The following UGT1A8 variants were observed in gnomAD, a reference collection of about 807,000 sequenced individuals.
UGT1A8 encodes the protein UDP glucuronosyltransferase family 1 member A8, also known as UDP-glucuronosyltransferase 1A8.
In UGT1A8, 39 loss-of-function variants were observed where a neutral mutation model predicts 45.3. The observed-to-expected ratio is 0.86, with a 90% CI of 0.67 to 1.12. The LOEUF (loss-of-function observed/expected upper bound fraction) is 1.12. Ranked by LOEUF, UGT1A8 falls within the 50% of genes most tolerant of loss-of-function variation. The probability of loss-of-function intolerance (pLI) is 0.00; values close to 1 mark genes in which losing one functional copy is unlikely to be tolerated. For synonymous variants in UGT1A8, 275 were observed against 249.2 expected (o/e 1.10, Z -0.97); for missense variants, 719 against 664.9 (o/e 1.08, Z -0.90).
chr2:233,743,638 G>C (rs767583424), intron 1 of UGT1A8: 1 of 1,367,318 alleles, frequency 7.3e-7, no homozygotes, highest in East Asian at 4.5e-5. Context: ...CTGGGTCGCG[G>C]AAGCTGAAGA....
intron 1 of UGT1A8, among the ~76,000 whole-genome samples, chr2:233,744,630 C>T (rs1387499679): frequency 6.6e-6 from 1 of 151,854 alleles, no homozygotes. Context: ...GAGGTGGATT[C>T]TCATGTCAGC....
At chr2:233,732,616 A>G (rs1187431518) in intron 1 of UGT1A8, among the ~76,000 whole-genome samples, 2 of 152,194 alleles carry the variant, frequency 1.3e-5, no homozygotes, top group African/African-American at 4.8e-5. Flanking sequence ...AAATGGTTGT[A>G]GATGTGTGGT....
At chr2:233,736,981 G>C (rs1363558721) in intron 1 of UGT1A8, among the ~76,000 whole-genome samples, 4 of 152,198 alleles carry the variant, frequency 2.6e-5, no homozygotes, top group Non-Finnish European at 5.9e-5. Flanking sequence ...TCCCAGTCAA[G>C]ATACACAGAG....
At chr2:233,760,913 G>A (rs747662045) in intron 1 of UGT1A8, 10 of 1,614,168 alleles carry the variant, frequency 6.2e-6, no homozygotes, top group South Asian at 4.4e-5. Flanking sequence ...TTCCTGCAGC[G>A]GGTGAAGAAC....
At chr2:233,739,351 C>A (rs1394476158) in intron 1 of UGT1A8, among the ~76,000 whole-genome samples, 1 of 152,186 alleles carries the variant, frequency 6.6e-6, no homozygotes, top group Admixed American at 6.5e-5. Context: ...CCCAGAAGGG[C>A]AGATCCAATA....
intron 1 of UGT1A8, among the ~76,000 whole-genome samples, chr2:233,717,477 G>T (rs551633792): frequency 6.6e-6 from 1 of 152,346 alleles, no homozygotes; most frequent in East Asian, 1.9e-4. Context: ...TGTGTCCAAA[G>T]GTGGAATCTG....
At position 233,662,232 on chromosome 2, in the gene UGT1A8, T is replaced by C. The variant is rs542411289; in HGVS notation, c.855+43670T>C. Among the ~76,000 whole-genome samples, 3 of 152,366 alleles carry C rather than the reference T, an allele frequency of 2.0e-5. No homozygotes were observed. The East Asian group carries it at 5.8e-4, about 29-fold the overall frequency. On this transcript the variant is annotated intron_variant, in intron 1 of 4. Coordinates refer to ENST00000373450, the MANE Select transcript of UGT1A8 (RefSeq NM_019076.5). ...ATTTAAAATAGATTTGTGTCTATAA[T>C]ATGGTAGTAAATGATAAAATAGACT...
intron 1 of UGT1A8, among the ~76,000 whole-genome samples, chr2:233,661,566 T>C (rs1201425001): frequency 6.6e-6 from 1 of 152,156 alleles, no homozygotes; most frequent in Non-Finnish European, 1.5e-5. Flanking sequence ...AAAGATATTT[T>C]GGAAAAAGTG....
chr2:233,691,443 T>A, intron 1 of UGT1A8: 1 of 985,598 alleles, frequency 1.0e-6, no homozygotes, highest in Non-Finnish European at 1.2e-6. Flanking sequence ...AGGCTTCTTC[T>A]CCCTTCCTGG....
At chr2:233,672,498 C>T in intron 1 of UGT1A8, 2 of 1,613,914 alleles carry the variant, frequency 1.2e-6, no homozygotes, top group South Asian at 1.1e-5. Flanking sequence ...CTCCTCTTTC[C>T]TATGTCCCCA....
intron 1 of UGT1A8, among the ~76,000 whole-genome samples, chr2:233,631,185 G>T (rs1255075798): frequency 1.3e-5 from 2 of 152,014 alleles, no homozygotes; most frequent in Non-Finnish European, 1.5e-5. Flanking sequence ...CTTTTTAATG[G>T]CTGCATAGTA....
chr2:233,660,711 C>G (rs1207136868), intron 1 of UGT1A8, among the ~76,000 whole-genome samples: 1 of 152,188 alleles, frequency 6.6e-6, no homozygotes, highest in Admixed American at 6.6e-5. Context: ...GTGCCCGCTT[C>G]TCTTCCTTAC....
intron 1 of UGT1A8, among the ~76,000 whole-genome samples, chr2:233,658,497 G>T (rs192224582): frequency 1.9e-4 from 29 of 152,032 alleles, no homozygotes; most frequent in Admixed American, 1.8e-3. Context: ...AGCCCATCAC[G>T]CCCCCTTCAT....
chr2:233,643,091 A>G (rs988538662), intron 1 of UGT1A8, among the ~76,000 whole-genome samples: 1 of 152,194 alleles, frequency 6.6e-6, no homozygotes, highest in Non-Finnish European at 1.5e-5. Flanking sequence ...TGGGCTTTAC[A>G]ATCAGCAGGT....
At chr2:233,636,693 A>G (rs1165461147) in intron 1 of UGT1A8, 1 of 1,614,156 alleles carries the variant, frequency 6.2e-7, no homozygotes, top group Non-Finnish European at 8.5e-7. Flanking sequence ...AGGTGGTTGT[A>G]GTCATGCCAG....
chr2:233,758,823 C>T (rs1559405168), intron 1 of UGT1A8, among the ~76,000 whole-genome samples: 1 of 152,154 alleles, frequency 6.6e-6, no homozygotes, highest in African/African-American at 2.4e-5. Flanking sequence ...GTATATCCCC[C>T]CCAAAAAGAG....
intron 1 of UGT1A8, among the ~76,000 whole-genome samples, chr2:233,655,368 G>C (rs951264342): frequency 6.6e-6 from 1 of 152,158 alleles, no homozygotes; most frequent in African/African-American, 2.4e-5. Flanking sequence ...CGTCCTGGGA[G>C]ACTCTTCATT....
In UGT1A8 at chr2:233,729,061, T is replaced by C. The variant is rs3806596; in HGVS notation, c.856-37973T>C. On this transcript the variant is annotated intron_variant, in intron 1 of 4. Transcript: ENST00000373450. ...TGGCTCAGTGACAAGGTAATTAAGA[T>C]GAAGAAAGCAAATGTAGCAGGCACA... The C allele has an allele frequency of 0.47, 753,810 of 1,610,256 alleles. 184,343 individuals are homozygous for C. Among genetic ancestry groups the C allele is most frequent in the African/African-American group, 0.83 (61,848 of 74,960 alleles).
intron 1 of UGT1A8, among the ~76,000 whole-genome samples, chr2:233,763,988 T>A (rs1006624097): frequency 2.0e-5 from 3 of 152,194 alleles, no homozygotes; most frequent in African/African-American, 7.2e-5. Flanking sequence ...TGGGAATGCG[T>A]GATGGTGAAG....
Sources: gnomAD v4.1 joint callset for allele counts (sites outside exome capture counted in the v4.1 genomes callset) on GRCh38, gnomAD v4.1.1 for gene constraint, MANE v1.5 for transcripts, NCBI Gene and HGNC (gene_info 2026-07-23, HGNC 2026-07-21) for gene names.